Variants in NALF1 observed in about 807,000 individuals in gnomAD.
The protein encoded by NALF1 is NALCN channel auxiliary factor 1.
In NALF1, 3 loss-of-function variants were observed where a neutral mutation model predicts 48.4. The ratio of observed to expected loss-of-function variants is 0.06; its 90% CI spans 0.03 to 0.16. The LOEUF (loss-of-function observed/expected upper bound fraction) is 0.16, where lower values mean the gene tolerates loss of function less well. Ranked by LOEUF, NALF1 falls within the 10% of genes least tolerant of loss-of-function variation. NALF1 has a pLI of 1.00. For synonymous variants in NALF1, 262 were observed against 245.7 expected (o/e 1.07, Z -0.62); for missense variants, 526 against 571.5 (o/e 0.92, Z 0.81).
intron 1 of NALF1, among the ~76,000 whole-genome samples, chr13:107,765,153 C>A (rs1471804845): frequency 1.3e-5 from 2 of 152,032 alleles, no homozygotes; most frequent in East Asian, 3.9e-4. Flanking sequence ...TCCCAGGAAT[C>A]CCCCCACCAC....
intron 1 of NALF1, among the ~76,000 whole-genome samples, chr13:107,352,663 T>C (rs889569032): frequency 3.3e-5 from 5 of 152,164 alleles, no homozygotes; most frequent in African/African-American, 1.2e-4. Flanking sequence ...TAATCATCTC[T>C]CAAAGCCCCA....
chr13:107,263,183 C>G (rs1690727683), intron 1 of NALF1, among the ~76,000 whole-genome samples: 1 of 151,388 alleles, frequency 6.6e-6, no homozygotes, highest in Non-Finnish European at 1.5e-5. Flanking sequence ...CTTTTTAACC[C>G]AGCAGCAGGG....
At chr13:107,798,647 C>A (rs1389276719) in intron 1 of NALF1, among the ~76,000 whole-genome samples, 1 of 152,110 alleles carries the variant, frequency 6.6e-6, no homozygotes, top group East Asian at 1.9e-4. Flanking sequence ...TAGAAAACAA[C>A]CCCAAGGAAT....
chr13:107,450,966 G>A (rs1884730134), intron 1 of NALF1, among the ~76,000 whole-genome samples: 1 of 152,174 alleles, frequency 6.6e-6, no homozygotes, highest in African/African-American at 2.4e-5. Context: ...GATGGGGTGT[G>A]AGTCACAGCA....
At chr13:107,798,838 T>C (rs1191183320) in intron 1 of NALF1, among the ~76,000 whole-genome samples, 3 of 152,186 alleles carry the variant, frequency 2.0e-5, no homozygotes, top group Non-Finnish European at 2.9e-5. Flanking sequence ...AAAAACAAAC[T>C]GCCCCCAAAT....
At chr13:107,445,037 T>G (rs925446180) in intron 1 of NALF1, among the ~76,000 whole-genome samples, 3 of 152,196 alleles carry the variant, frequency 2.0e-5, no homozygotes, top group Non-Finnish European at 4.4e-5. Flanking sequence ...TATTGCATAA[T>G]TATAGTAAGG....
Position 107,769,597 on chromosome 13 carries a change from G to A in NALF1, c.915+96085C>T, listed in dbSNP as rs1353870101. Among the ~76,000 whole-genome samples the A allele has an allele frequency of 6.0e-5, 9 of 150,022 alleles. No individual in the cohort carries two copies. In the East Asian group the frequency reaches 1.2e-3, roughly 20 times the overall value. On this transcript the variant is annotated intron_variant, in intron 1 of 2. Coordinates refer to ENST00000375915, the MANE Select transcript of NALF1 (RefSeq NM_001080396.3). ...GGAGATATACCTAATGCTAGATGAC[G>A]AGTTAGTGGGTTCAGTACACCAGCA...
chr13:107,242,243 C>A lies in NALF1; in HGVS notation c.916-31488G>T, dbSNP rs543654454. On this transcript the variant is annotated intron_variant, in intron 1 of 2. Coordinates refer to ENST00000375915, the MANE Select transcript of NALF1 (RefSeq NM_001080396.3). ...TCTAAGCACAGAGTTGGCCTTCCTC[C>A]TCCTCTCCCGTTTCCACCCTCTCCT... Among the ~76,000 whole-genome samples the A allele has an allele frequency of 1.8e-4, 28 of 152,308 alleles. No homozygotes were observed. In the South Asian group the frequency reaches 5.8e-3, roughly 32 times the overall value.
chr13:107,628,279 C>T (rs899762607), intron 1 of NALF1, among the ~76,000 whole-genome samples: 1 of 152,202 alleles, frequency 6.6e-6, no homozygotes, highest in African/African-American at 2.4e-5. Context: ...ATGGCACTTC[C>T]GACTGCCTCA....
At chr13:107,216,480 G>A (rs1450985708) in intron 1 of NALF1, among the ~76,000 whole-genome samples, 4 of 152,160 alleles carry the variant, frequency 2.6e-5, no homozygotes, top group East Asian at 1.9e-4. Flanking sequence ...AAGGATGGGC[G>A]GTAAGCAGCG....
intron 1 of NALF1, among the ~76,000 whole-genome samples, chr13:107,804,005 C>T (rs1878697830): frequency 6.6e-6 from 1 of 152,186 alleles, no homozygotes; most frequent in African/African-American, 2.4e-5. Context: ...CTGTACCCAG[C>T]ATCACAGTCA....
At chr13:107,703,362 AG>A (rs1881870812) in intron 1 of NALF1, among the ~76,000 whole-genome samples, 1 of 100,786 alleles carries the variant, frequency 9.9e-6, no homozygotes, top group Non-Finnish European at 1.8e-5. Flanking sequence ...TCATTTGCTT[AG>A]TTTTTTTTTT....
intron 1 of NALF1, among the ~76,000 whole-genome samples, chr13:107,594,008 A>T (rs1331977268): frequency 6.6e-6 from 1 of 152,032 alleles, no homozygotes; most frequent in Non-Finnish European, 1.5e-5. Flanking sequence ...CAGCTAAATA[A>T]AACCTCCTTT....
At chr13:107,690,469 AGAGAG>A (rs1184362524) in intron 1 of NALF1, among the ~76,000 whole-genome samples, 1 of 152,206 alleles carries the variant, frequency 6.6e-6, no homozygotes, top group East Asian at 1.9e-4. Flanking sequence ...ACGTTTGTTC[AGAGAG>A]TTAAAGTGGT....
intron 1 of NALF1, among the ~76,000 whole-genome samples, chr13:107,453,228 C>A (rs2139036889): frequency 6.6e-6 from 1 of 152,360 alleles, no homozygotes; most frequent in African/African-American, 2.4e-5. Flanking sequence ...TACAACCCCC[C>A]ATATCCCTTC....
At chr13:107,247,513 C>A (rs1369325349) in intron 1 of NALF1, among the ~76,000 whole-genome samples, 1 of 152,082 alleles carries the variant, frequency 6.6e-6, no homozygotes, top group Non-Finnish European at 1.5e-5. Context: ...TTTTAAAAAT[C>A]CTTAGCAAAA....
At chr13:107,197,341 A>C (rs762480306) in intron 2 of NALF1, among the ~76,000 whole-genome samples, 39 of 152,208 alleles carry the variant, frequency 2.6e-4, no homozygotes, top group Non-Finnish European at 4.6e-4. Context: ...CTAAATACGC[A>C]AAATACAATT....
chr13:107,629,018 G>T (rs1211464729), intron 1 of NALF1, among the ~76,000 whole-genome samples: 1 of 152,116 alleles, frequency 6.6e-6, no homozygotes, highest in Non-Finnish European at 1.5e-5. Flanking sequence ...TTACTTAGAA[G>T]AAGTTGTATT....
intron 1 of NALF1, among the ~76,000 whole-genome samples, chr13:107,520,304 T>C (rs1301674249): frequency 6.6e-6 from 1 of 152,202 alleles, no homozygotes; most frequent in Non-Finnish European, 1.5e-5. Context: ...TTGTATTTCA[T>C]GATTGAAAGA....
Sources: gnomAD v4.1 joint callset for allele counts (sites outside exome capture counted in the v4.1 genomes callset) on GRCh38, gnomAD v4.1.1 for gene constraint, MANE v1.5 for transcripts, NCBI Gene and HGNC (gene_info 2026-07-23, HGNC 2026-07-21) for gene names.